Variants in WNK3 observed in about 807,000 individuals in gnomAD.
The protein encoded by WNK3 is WNK lysine deficient protein kinase 3, also known as serine/threonine-protein kinase WNK3.
In WNK3, 18 loss-of-function variants were observed where a neutral mutation model predicts 116.7. The ratio of observed to expected loss-of-function variants is 0.15; its 90% CI spans 0.11 to 0.23. The LOEUF is 0.23. WNK3 is among the 10% of genes least tolerant of loss of function. WNK3 has a pLI of 1.00. For missense variants in WNK3, 993 were observed against 1,323.8 expected (o/e 0.75, Z 3.88); for synonymous variants, 404 against 469.4 (o/e 0.86, Z 1.80).
At chrX:54,231,159 ATAAAG>A (rs2067895481) in intron 21 of WNK3, among the ~76,000 whole-genome samples, 2 of 112,372 alleles carry the variant, frequency 1.8e-5, no homozygotes, top group African/African-American at 6.5e-5. Context: ...ACAGAATAAA[ATAAAG>A]TATAGCTATT....
chrX:54,232,113 G>GTGTATATATATA, intron 21 of WNK3, among the ~76,000 whole-genome samples: 1 of 95,095 alleles, frequency 1.1e-5, no homozygotes, highest in East Asian at 3.2e-4. Context: ...GTGTGTGTGT[G>GTGTATATATATA]TATATATATA....
intron 1 of WNK3, among the ~76,000 whole-genome samples, chrX:54,340,938 G>C (rs1386479445): frequency 4.5e-5 from 5 of 111,734 alleles, no homozygotes; most frequent in Non-Finnish European, 9.4e-5. Flanking sequence ...GTTAAACAGA[G>C]TTACCATATG....
chrX:54,241,677 C>T (rs1036834985), intron 17 of WNK3, among the ~76,000 whole-genome samples: 4 of 111,475 alleles, frequency 3.6e-5, no homozygotes, highest in African/African-American at 9.8e-5. Context: ...ATAAGAGCTG[C>T]GCGCAGTGGC....
exon 24 of WNK3, chrX:54,195,677 A>C (rs1449648518): frequency 1.8e-5 from 2 of 111,682 alleles, no homozygotes; most frequent in African/African-American, 6.5e-5. Context: ...TTAAATGTAC[A>C]CATGTTATAT....
intron 22 of WNK3, 98 bp downstream of exon 22, chrX:54,228,616 A>G (rs1354111792): frequency 2.5e-6 from 1 of 396,597 alleles, no homozygotes; most frequent in Non-Finnish European, 4.5e-6. Context: ...TGTAAATTGT[A>G]TAAGTTAAAT....
At chrX:54,250,837 T>C (rs2068121174) in intron 15 of WNK3, among the ~76,000 whole-genome samples, 1 of 110,828 alleles carries the variant, frequency 9.0e-6, no homozygotes, top group African/African-American at 3.3e-5. Flanking sequence ...AGACACTCTT[T>C]AATATACCCA....
chrX:54,230,502 A>G (rs2067888912), intron 21 of WNK3, among the ~76,000 whole-genome samples: 1 of 112,277 alleles, frequency 8.9e-6, no homozygotes, highest in Admixed American at 9.5e-5. Flanking sequence ...GGCTAAAAAA[A>G]GAATGCTAGT....
chrX:54,311,289 G>A (rs782134841), exon 3 of WNK3: 1 of 1,197,999 alleles, frequency 8.3e-7, no homozygotes, highest in Admixed American at 2.3e-5. Flanking sequence ...TTAACTTTCG[G>A]TCCTGAAAAG....
intron 22 of WNK3, among the ~76,000 whole-genome samples, chrX:54,221,916 G>C (rs1032084318): frequency 8.9e-5 from 10 of 111,786 alleles, no homozygotes; most frequent in Non-Finnish European, 1.7e-4. Context: ...CAACACTTTG[G>C]GAGGCTGAGG....
At chrX:54,348,965 G>A (rs1198475742) in intron 1 of WNK3, among the ~76,000 whole-genome samples, 2 of 112,311 alleles carry the variant, frequency 1.8e-5, no homozygotes, top group Non-Finnish European at 3.8e-5. Flanking sequence ...CAAGAGTTCA[G>A]CAAACAGGCC....
At chrX:54,302,720 T>TCTCG (rs1489433146) in intron 5 of WNK3, among the ~76,000 whole-genome samples, 1 of 31,906 alleles carries the variant, frequency 3.1e-5, no homozygotes, top group Non-Finnish European at 6.0e-5. Context: ...TCTCTCTCTC[T>TCTCG]CTCTCTCTCT....
At chrX:54,222,915 AAT>A (rs782107262) in intron 22 of WNK3, among the ~76,000 whole-genome samples, 2,637 of 80,952 alleles carry the variant, frequency 0.033, 58 homozygotes, top group Admixed American at 0.094. Flanking sequence ...TAATAATAAT[AAT>A]ATATATATAT....
intron 1 of WNK3, among the ~76,000 whole-genome samples, chrX:54,355,946 T>C (rs1322975681): frequency 1.8e-5 from 2 of 111,740 alleles, no homozygotes; most frequent in Non-Finnish European, 3.8e-5. Context: ...GAACAGAATA[T>C]GACCTTTTGT....
chrX:54,306,015 A>G (rs2068820194), intron 5 of WNK3, among the ~76,000 whole-genome samples: 1 of 110,984 alleles, frequency 9.0e-6, no homozygotes, highest in African/African-American at 3.3e-5. Context: ...AGATAGCGCC[A>G]TTGCACTCCA....
chrX:54,257,856 C>G (rs782448413), intron 11 of WNK3, among the ~76,000 whole-genome samples: 1 of 100,736 alleles, frequency 9.9e-6, no homozygotes, highest in Admixed American at 1.1e-4. Flanking sequence ...AATATCCAAA[C>G]GCCCAGGAGA....
chrX:54,347,746 T>TTA, intron 1 of WNK3, among the ~76,000 whole-genome samples: 1 of 105,619 alleles, frequency 9.5e-6, no homozygotes, highest in East Asian at 2.9e-4. Context: ...ATGTACTATA[T>TTA]TATATATATA....
chrX:54,206,488 G>A (rs1490343183), intron 22 of WNK3, among the ~76,000 whole-genome samples: 1 of 112,138 alleles, frequency 8.9e-6, no homozygotes, highest in Non-Finnish European at 1.9e-5. Flanking sequence ...TCATACTTCT[G>A]TTTAAGATAC....
At chrX:54,198,410 C>T in exon 24 of WNK3, 1 of 1,210,737 alleles carries the variant, frequency 8.3e-7, no homozygotes, top group Non-Finnish European at 1.1e-6. Context: ...TGGAATGGTC[C>T]CCCAGATTGG....
intron 7 of WNK3, among the ~76,000 whole-genome samples, chrX:54,295,937 CCTCGGT>C (rs1460437209): frequency 1.8e-5 from 2 of 111,430 alleles, no homozygotes; most frequent in Non-Finnish European, 3.8e-5. Context: ...AATCCTCTCA[CCTCGGT>C]CTCCCCAAAG....
Sources: gnomAD v4.1 joint callset for allele counts (sites outside exome capture counted in the v4.1 genomes callset) on GRCh38, gnomAD v4.1.1 for gene constraint, MANE v1.5 for transcripts, NCBI Gene and HGNC (gene_info 2026-07-23, HGNC 2026-07-21) for gene names.